The following DDX3X variants were observed in gnomAD, a reference collection of about 807,000 sequenced individuals.
DDX3X encodes ATP-dependent RNA helicase DDX3X.
In DDX3X, 4 loss-of-function variants were observed where a neutral mutation model predicts 52.7. The observed-to-expected ratio is 0.08, with a 90% CI of 0.04 to 0.17. The LOEUF is 0.17. DDX3X is among the 10% of genes least tolerant of loss of function. DDX3X has a pLI of 1.00. For missense variants in DDX3X, 222 were observed against 548.6 expected, an observed-to-expected ratio of 0.40 and a Z score of 5.95; for synonymous variants, 192 against 178.1, an observed-to-expected ratio of 1.08 and a Z score of -0.62.
chrX:41,343,182 A>G, intron 6 of DDX3X, 34 bp from the exon 7 acceptor site: 3 of 1,190,084 alleles, frequency 2.5e-6, no homozygotes, highest in Non-Finnish European at 2.3e-6. Context: ...ATAGCTCTAG[A>G]TAGCATTCCT....
At chrX:41,354,806 AGTT>A (rs777765446), downstream of DDX3X, among the ~76,000 whole-genome samples, 3 of 93,551 alleles carry the variant, frequency 3.2e-5, no homozygotes, top group African/African-American at 4.2e-5. Context: ...GATCAATCCA[AGTT>A]GTTGTAAATA....
chrX:41,343,135 G>T lies in DDX3X; in HGVS notation c.544-81G>T, dbSNP rs567580408. The stretch of plus-strand genomic sequence containing the variant: ...CTATAAACTGAGTTACCAATCAGCT[G>T]TTGGTTGGTTGTTTCCATTATTAGT... On this transcript the variant is annotated intron_variant, in intron 6 of 16. Transcript: ENST00000644876. 8.6e-4 allele frequency: 902 copies of T among 1,049,378 alleles called. 7 individuals are homozygous for T. In the South Asian group the frequency reaches 0.017, roughly 20 times the overall value. The allele number at this position is 1,049,378 out of a possible 1,213,427, so 86.5% of individuals were successfully genotyped here.
chrX:41,334,496 T>C, intron 1 of DDX3X, 199 bp downstream of exon 1: 1 of 1,095,374 alleles, frequency 9.1e-7, no homozygotes, highest in East Asian at 3.3e-5. Flanking sequence ...CTCGGCCCGC[T>C]GTATTGTCCC....
intron 3 of DDX3X, 23 bp downstream of exon 3, chrX:41,339,106 G>T: frequency 9.9e-7 from 1 of 1,011,813 alleles, no homozygotes; most frequent in Non-Finnish European, 1.3e-6. Flanking sequence ...AAGTAACTTC[G>T]TAGGTCTATT....
chrX:41,350,236 A>T lies in DDX3X; in HGVS notation c.*2517A>T, dbSNP rs1015666690. On this transcript the variant is annotated 3_prime_UTR_variant, in exon 17 of 17. Coordinates refer to ENST00000644876, the MANE Select transcript of DDX3X (RefSeq NM_001356.5). ...CCTTTGTTGTTGTCAATTGTGGTTT[A>T]TTTTCAGAGGTGTAAATAAAGTGCT... 3.6e-5 allele frequency: 4 copies of T among 112,122 alleles called. No individual in the cohort carries two copies. The highest frequency in any genetic ancestry group is 7.5e-5 in the Non-Finnish European group (4 of 53,166). The allele number at this position is 112,122 out of a possible 1,213,427, so 9.2% of individuals were successfully genotyped here. A position where few individuals can be genotyped will look rare whatever the true frequency, so the allele number is the denominator to read the frequency against.
At chrX:41,363,302 G>A (rs2064036491) in intron 5 of DDX3X, among the ~76,000 whole-genome samples, 1 of 111,023 alleles carries the variant, frequency 9.0e-6, no homozygotes, top group Non-Finnish European at 1.9e-5. Context: ...GCAGGCGCCT[G>A]TAGTCCCAGC....
At chrX:41,334,404 G>C in intron 1 of DDX3X, 107 bp downstream of exon 1, 1 of 1,136,643 alleles carries the variant, frequency 8.8e-7, no homozygotes, top group Non-Finnish European at 1.2e-6. Flanking sequence ...TCATTTTCTG[G>C]GTGCCCCGGG....
At chrX:41,347,614 C>G in intron 16 of DDX3X, 26 bp from the exon 17 acceptor site, 1 of 1,156,808 alleles carries the variant, frequency 8.6e-7, no homozygotes, top group Non-Finnish European at 1.2e-6. Flanking sequence ...TCATTAATTT[C>G]TCTCTCTTTT....
chrX:41,349,723 G>A lies in DDX3X; in HGVS notation c.*2004G>A, dbSNP rs780661126. 9.0e-6 allele frequency: 1 copy of A among 111,486 alleles called. No individual in the cohort carries two copies. The allele number at this position is 111,486 out of a possible 1,213,427, so 9.2% of individuals were successfully genotyped here. A position where few individuals can be genotyped will look rare whatever the true frequency, so the allele number is the denominator to read the frequency against. ...TTAAGTCAAATTAAGCAGACCCGGC[G>A]TTGGCAGTGTAGCCATAACTTTCTG... On this transcript the variant is annotated 3_prime_UTR_variant, in exon 17 of 17. Transcript: ENST00000644876.
rs1225189619 is a variant in DDX3X, at chrX:41,349,657, G to A, written c.*1938G>A. On this transcript the variant is annotated 3_prime_UTR_variant, in exon 17 of 17. Transcript: ENST00000644876. Reference sequence around the variant, plus strand: ...CCGTATGCGTGAAATTATATATTTCGGGGTAGTGTGAGCTTTTAATGTTTA... The same window carrying A: ...CCGTATGCGTGAAATTATATATTTCAGGGTAGTGTGAGCTTTTAATGTTTA... The A allele has an allele frequency of 8.9e-6, 1 of 111,998 alleles. No individual in the cohort carries two copies. Among genetic ancestry groups the A allele is most frequent in the Non-Finnish European group, 1.9e-5 (1 of 53,188 alleles). 9.2% of individuals were successfully genotyped at this position (111,998 alleles called of 1,213,427 possible). A position where few individuals can be genotyped will look rare whatever the true frequency, so the allele number is the denominator to read the frequency against.
intron 9 of DDX3X, 22 bp downstream of exon 9, chrX:41,344,150 T>C: frequency 2.5e-6 from 3 of 1,188,804 alleles, no homozygotes; most frequent in Non-Finnish European, 3.4e-6. Context: ...TTCCAGTGAT[T>C]ATTAGCTTTT....
chrX:41,343,903 T>G, intron 8 of DDX3X, 81 bp downstream of exon 8: 1 of 1,004,968 alleles, frequency 1.0e-6, no homozygotes, highest in Non-Finnish European at 1.4e-6. Flanking sequence ...ATGCTAAGAC[T>G]TAAGTAGAAT....
chrX:41,345,652 C>A, intron 12 of DDX3X, 104 bp downstream of exon 12: 1 of 728,518 alleles, frequency 1.4e-6, no homozygotes, highest in Non-Finnish European at 2.0e-6. Flanking sequence ...TACTGATCAG[C>A]ATGGGAGTAT....
chrX:41,349,990 A>G lies in DDX3X; in HGVS notation c.*2271A>G, dbSNP rs1445909834. The G allele has an allele frequency of 3.7e-5, 4 of 109,128 alleles. No homozygotes were observed. The highest frequency in any genetic ancestry group is 1.0e-4 in the African/African-American group (3 of 29,924). 9.0% of individuals were successfully genotyped at this position (109,128 alleles called of 1,213,427 possible). A position where few individuals can be genotyped will look rare whatever the true frequency, so the allele number is the denominator to read the frequency against. On this transcript the variant is annotated 3_prime_UTR_variant, in exon 17 of 17. Transcript: ENST00000644876. ...TGTATTGGCATAATCAGTGACTTGT[A>G]CATTCAGCAATAGCATTTGAGCAAG...
At chrX:41,347,043 A>G in intron 15 of DDX3X, 31 bp downstream of exon 15, 1 of 1,151,638 alleles carries the variant, frequency 8.7e-7, no homozygotes, top group Non-Finnish European at 1.2e-6. Context: ...AATGAGGGGA[A>G]TGGGTGTTCA....
At chrX:41,335,798 G>T (rs1425788437) in intron 1 of DDX3X, 2 of 112,144 alleles carry the variant, frequency 1.8e-5, no homozygotes. Context: ...ATGTTGAATT[G>T]AACAGACACT....
At chrX:41,341,687 G>A (rs1372824831) in intron 4 of DDX3X, 71 bp downstream of exon 4, 9 of 1,015,494 alleles carry the variant, frequency 8.9e-6, no homozygotes, top group Non-Finnish European at 1.1e-5. Context: ...CTGACCACCT[G>A]TTTGGATGTT....
chrX:41,353,092 T>G (rs906233273), downstream of DDX3X, among the ~76,000 whole-genome samples: 2 of 111,182 alleles, frequency 1.8e-5, no homozygotes, highest in East Asian at 5.6e-4. Flanking sequence ...TCCTGTGCTT[T>G]CTTCTGCCTT....
intron 5 of DDX3X, among the ~76,000 whole-genome samples, chrX:41,356,402 C>G (rs2064008902): frequency 9.2e-6 from 1 of 108,543 alleles, no homozygotes; most frequent in Non-Finnish European, 1.9e-5. Context: ...CTGCCTTGGC[C>G]TCCCAAAGTG....
Sources: allele counts gnomAD v4.1 joint callset (sites outside exome capture counted in the v4.1 genomes callset), GRCh38; gene constraint gnomAD v4.1.1; transcripts MANE v1.5; gene names NCBI Gene and HGNC (gene_info 2026-07-23, HGNC 2026-07-21).